BACE2: variants seen among roughly 807,000 people sequenced by gnomAD.
The protein encoded by BACE2 is 56 kDa aspartic-like protease.
Under a neutral mutation model 46.2 loss-of-function variants are expected in BACE2, and 17 were observed. The ratio of observed to expected loss-of-function variants is 0.37; its 90% CI spans 0.25 to 0.55. BACE2 has a LOEUF of 0.55. Among genes scored for constraint, BACE2 ranks in the 20% least tolerant of loss-of-function variants. The pLI is 0.82. For synonymous variants in BACE2, 277 were observed against 295.9 expected, an observed-to-expected ratio of 0.94 and a Z score of 0.66; for missense variants, 595 against 698.1, an observed-to-expected ratio of 0.85 and a Z score of 1.66.
At chr21:41,260,979 G>A (rs1047727272) in intron 8 of BACE2, among the ~76,000 whole-genome samples, 1 of 152,062 alleles carries the variant, frequency 6.6e-6, no homozygotes, top group African/African-American at 2.4e-5. Flanking sequence ...ACATTTTATA[G>A]ATTTTCCATA....
At chr21:41,245,521 C>A (rs573986731) in intron 5 of BACE2, among the ~76,000 whole-genome samples, 6 of 152,356 alleles carry the variant, frequency 3.9e-5, no homozygotes, top group Admixed American at 2.0e-4. Flanking sequence ...GAAAAATTGT[C>A]CATCCTTCTC....
chr21:41,210,010 C>T (rs915872823), intron 1 of BACE2, among the ~76,000 whole-genome samples: 1 of 152,062 alleles, frequency 6.6e-6, no homozygotes, highest in Non-Finnish European at 1.5e-5. Context: ...TCCCCCTAAC[C>T]AACCTATCAC....
chr21:41,232,993 C>T (rs1354093198), intron 2 of BACE2, among the ~76,000 whole-genome samples: 3 of 151,872 alleles, frequency 2.0e-5, no homozygotes, highest in Non-Finnish European at 2.9e-5. Flanking sequence ...CTCAGCCTCC[C>T]GAGTAGCTGG....
intron 2 of BACE2, 39 bp downstream of exon 2, chr21:41,226,393 C>A: frequency 6.4e-7 from 1 of 1,553,744 alleles, no homozygotes; most frequent in Non-Finnish European, 8.8e-7. Flanking sequence ...TGGGCCGGGG[C>A]ACTGCATGAT....
chr21:41,179,831 T>C (rs1009324044), intron 1 of BACE2: 2 of 423,828 alleles, frequency 4.7e-6, no homozygotes, highest in African/African-American at 4.2e-5. Context: ...TCTCCAGAAA[T>C]GTCCCTGACA....
At chr21:41,217,275 G>A (rs532648709) in intron 1 of BACE2, among the ~76,000 whole-genome samples, 84 of 152,324 alleles carry the variant, frequency 5.5e-4, no homozygotes, top group African/African-American at 1.6e-3. Context: ...CCAAGAAAAC[G>A]TATTTCCTAC....
At chr21:41,217,866 G>A (rs73366421) in intron 1 of BACE2, among the ~76,000 whole-genome samples, 5,048 of 152,272 alleles carry the variant, frequency 0.033, 281 homozygotes, top group African/African-American at 0.11. Context: ...CTGGGGACAC[G>A]CCTCCATGAC....
chr21:41,234,056 A>G (rs1987040746), intron 2 of BACE2, among the ~76,000 whole-genome samples: 1 of 152,106 alleles, frequency 6.6e-6, no homozygotes, highest in Admixed American at 6.5e-5. Flanking sequence ...CATAATTACC[A>G]TGTATTGTGG....
intron 1 of BACE2, chr21:41,178,347 G>A (rs1252974817): frequency 1.3e-5 from 2 of 152,230 alleles, no homozygotes; most frequent in African/African-American, 2.4e-5. Context: ...AGTGTGAGAA[G>A]AGTTAAAAAT....
intron 1 of BACE2, among the ~76,000 whole-genome samples, chr21:41,211,990 G>A (rs369709886): frequency 1.6e-4 from 25 of 152,372 alleles, no homozygotes; most frequent in African/African-American, 3.4e-4. Context: ...GCTTCTAGCC[G>A]AGGAGGCTCT....
chr21:41,191,591 A>T (rs1985571638), intron 1 of BACE2, among the ~76,000 whole-genome samples: 1 of 152,152 alleles, frequency 6.6e-6, no homozygotes, highest in Non-Finnish European at 1.5e-5. Flanking sequence ...AAATGGTGCC[A>T]TATTGAGGAC....
rs77406095 is a variant in BACE2 at position 41,257,041 on chromosome 21, G to T, written c.1135-117G>T. 2,182 of 1,116,842 alleles carry T rather than the reference G, an allele frequency of 2.0e-3. 40 individuals carry two copies. In the African/African-American group the frequency reaches 0.029, roughly 15 times the overall value. 69.2% of individuals were successfully genotyped at this position (1,116,842 alleles called of 1,614,324 possible). On this transcript the variant is annotated intron_variant, in intron 7 of 8. Coordinates refer to ENST00000330333, the MANE Select transcript of BACE2 (RefSeq NM_012105.5). Reference sequence around the variant, plus strand: ...AGGGTGAGATCATCTTTCTTCTCCCGTGACTCCCCCCAGCGCCTGGGAGGG... The same window carrying T: ...AGGGTGAGATCATCTTTCTTCTCCCTTGACTCCCCCCAGCGCCTGGGAGGG...
intron 1 of BACE2, among the ~76,000 whole-genome samples, chr21:41,210,779 C>T (rs1462918757): frequency 1.3e-5 from 2 of 152,200 alleles, no homozygotes; most frequent in African/African-American, 4.8e-5. Flanking sequence ...CTGTGATACA[C>T]TTAAATGTTA....
chr21:41,272,473 T>G (rs943953136), intron 8 of BACE2, among the ~76,000 whole-genome samples: 10 of 152,072 alleles, frequency 6.6e-5, no homozygotes, highest in Non-Finnish European at 8.8e-5. Flanking sequence ...ACTGATGTTC[T>G]CTCTCTCTCT....
chr21:41,257,483 T>C (rs558482461), intron 8 of BACE2, among the ~76,000 whole-genome samples, 157 bp downstream of exon 8: 3 of 152,332 alleles, frequency 2.0e-5, no homozygotes, highest in Middle Eastern at 6.8e-3. Context: ...AAATGGGTCA[T>C]GGGGTTGCTG....
intron 2 of BACE2, among the ~76,000 whole-genome samples, chr21:41,235,652 T>C (rs1350380827): frequency 6.6e-6 from 1 of 151,948 alleles, no homozygotes; most frequent in Non-Finnish European, 1.5e-5. Flanking sequence ...GCTCGGGCAA[T>C]ATAATGAGAC....
chr21:41,179,334 AG>A (rs781280678), intron 1 of BACE2: 1 of 1,234,586 alleles, frequency 8.1e-7, no homozygotes, highest in African/African-American at 2.3e-5. Context: ...CAGGGTGAGG[AG>A]TGAGGGTATC....
At chr21:41,184,756 T>A (rs1276913477) in intron 1 of BACE2, 1 of 167,046 alleles carries the variant, frequency 6.0e-6, no homozygotes, top group East Asian at 1.9e-4. Flanking sequence ...GGGAGGCTTA[T>A]GAACTTTCTA....
chr21:41,251,009 C>A, intron 7 of BACE2, 108 bp downstream of exon 7: 2 of 1,133,554 alleles, frequency 1.8e-6, no homozygotes, highest in Non-Finnish European at 2.5e-6. Flanking sequence ...TCTATCACCA[C>A]AATAATGCTG....
Sources: gnomAD v4.1 joint callset for allele counts (sites outside exome capture counted in the v4.1 genomes callset) on GRCh38, gnomAD v4.1.1 for gene constraint, MANE v1.5 for transcripts, NCBI Gene and HGNC (gene_info 2026-07-23, HGNC 2026-07-21) for gene names.